The following CLEC18B variants were observed in gnomAD, a reference collection of about 807,000 sequenced individuals.
CLEC18B encodes C-type lectin domain family 18 member B.
A neutral mutation model predicts 60.4 loss-of-function variants in CLEC18B; 5 were observed. The observed-to-expected ratio is 0.08, with a 90% CI of 0.04 to 0.17. The LOEUF (loss-of-function observed/expected upper bound fraction) is 0.17. Among genes scored for constraint, CLEC18B ranks in the 10% least tolerant of loss-of-function variants. CLEC18B has a pLI of 1.00. For synonymous variants in CLEC18B, 16 were observed against 221.2 expected (o/e 0.07, Z 8.23); for missense variants, 26 against 572.8 (o/e 0.05, Z 9.74).
At chr16:74,412,490 T>TCAC (rs1373615414) in intron 6 of CLEC18B, 1 of 738,770 alleles carries the variant, frequency 1.4e-6, no homozygotes, top group African/African-American at 1.7e-5. Context: ...TGGGTTAGGG[T>TCAC]AGAGGGGCAG....
chr16:74,420,103 C>T (rs1210484801), intron 2 of CLEC18B, among the ~76,000 whole-genome samples: 54 of 151,962 alleles, frequency 3.6e-4, no homozygotes, highest in South Asian at 4.2e-4. Flanking sequence ...GCACAGAAGC[C>T]CCTCCCCAGC....
chr16:74,414,036 T>A (rs1272001854), intron 3 of CLEC18B, among the ~76,000 whole-genome samples: 1 of 152,304 alleles, frequency 6.6e-6, no homozygotes, highest in Admixed American at 6.5e-5. Flanking sequence ...CCATGCCCGG[T>A]TAATTTTTTT....
chr16:74,422,139 C>T (rs1310316046), upstream of CLEC18B: 4 of 151,054 alleles, frequency 2.6e-5, no homozygotes, highest in African/African-American at 9.8e-5. Flanking sequence ...GGCGGCGTAG[C>T]AGGTGGGCAG....
intron 3 of CLEC18B, among the ~76,000 whole-genome samples, chr16:74,416,923 T>C (rs887079862): frequency 4.6e-5 from 7 of 151,800 alleles, no homozygotes; most frequent in Non-Finnish European, 8.8e-5. Flanking sequence ...TTTAGTTTAG[T>C]AGCATCTTCT....
chr16:74,422,360 G>A (rs1463694977), upstream of CLEC18B: 2 of 152,266 alleles, frequency 1.3e-5, no homozygotes, highest in East Asian at 1.9e-4. Context: ...TCCTCCTTCT[G>A]GAGTTTGTGT....
At chr16:74,424,052 C>T (rs1184392922), upstream of CLEC18B, among the ~76,000 whole-genome samples, 3 of 152,360 alleles carry the variant, frequency 2.0e-5, no homozygotes, top group Non-Finnish European at 4.4e-5. Context: ...GGGTTTACAT[C>T]CACCACCCAG....
upstream of CLEC18B, chr16:74,422,562 C>T (rs1333014821): frequency 6.7e-6 from 1 of 150,198 alleles, no homozygotes; most frequent in Non-Finnish European, 1.5e-5. Flanking sequence ...ATGTCCCCCA[C>T]AATACCTAGG....
chr16:74,419,021 C>A (rs1374610607), intron 2 of CLEC18B, among the ~76,000 whole-genome samples: 1 of 152,266 alleles, frequency 6.6e-6, no homozygotes, highest in Non-Finnish European at 1.5e-5. Context: ...TGTCAAACTG[C>A]TGACCTTAGG....
intron 10 of CLEC18B, among the ~76,000 whole-genome samples, chr16:74,410,036 C>T (rs1394580085): frequency 2.3e-3 from 343 of 152,200 alleles, no homozygotes; most frequent in African/African-American, 7.9e-3. Flanking sequence ...GGTGGCCTCG[C>T]AGCCGGACCA....
At chr16:74,411,123 CGT>C in intron 8 of CLEC18B, 89 bp from the exon 9 acceptor site, 1 of 1,485,708 alleles carries the variant, frequency 6.7e-7, no homozygotes, top group Non-Finnish European at 9.1e-7. Flanking sequence ...TAAGATGCCA[CGT>C]GTGTGTGCTG....
At chr16:74,414,130 C>T (rs1332014320) in intron 3 of CLEC18B, among the ~76,000 whole-genome samples, 2 of 152,310 alleles carry the variant, frequency 1.3e-5, no homozygotes, top group African/African-American at 4.8e-5. Flanking sequence ...TTGCCTCGGC[C>T]TCCCAAAGTG....
intron 2 of CLEC18B, among the ~76,000 whole-genome samples, chr16:74,420,119 A>ACGACCTTCTCCCTCCCTGGC (rs2013612599): frequency 6.6e-6 from 1 of 151,934 alleles, no homozygotes; most frequent in Non-Finnish European, 1.5e-5. Context: ...CCAGCCCAGC[A>ACGACCTTCTCCCTCCCTGGC]CGACCTTCTC....
chr16:74,422,400 C>T (rs1416597520), upstream of CLEC18B: 4 of 151,986 alleles, frequency 2.6e-5, no homozygotes, highest in African/African-American at 9.7e-5. Flanking sequence ...CACACCCTCT[C>T]GGAGCGGGGT....
chr16:74,416,887 CA>C (rs1160003624), intron 3 of CLEC18B, among the ~76,000 whole-genome samples: 1 of 151,032 alleles, frequency 6.6e-6, no homozygotes, highest in African/African-American at 2.4e-5. Flanking sequence ...CAGGGAGGGA[CA>C]GCGGGAAAAG....
In CLEC18B at chr16:74,421,353, A is replaced by G; in HGVS notation, c.-83T>C. ...TTTCTCAGGCTGGATGGAGCTATTC[A>G]CAATCTCCAGGAGTCAGGCTGGGCT... On this transcript the variant is annotated 5_prime_UTR_variant, in exon 1 of 12. It removes the in-frame stop codon of an upstream open reading frame in the 5' UTR. Coordinates refer to ENST00000682950, the MANE Select transcript of CLEC18B (RefSeq NM_001385193.1). The G allele has an allele frequency of 6.2e-7, 1 of 1,604,926 alleles. No homozygotes were observed. The highest frequency in any genetic ancestry group is 1.1e-5 in the South Asian group (1 of 89,834).
intron 3 of CLEC18B, among the ~76,000 whole-genome samples, chr16:74,416,217 C>T (rs186240497): frequency 7.8e-3 from 1,150 of 146,896 alleles, no homozygotes; most frequent in African/African-American, 0.027. Flanking sequence ...GAGCCGAGAT[C>T]GCACCACTGC....
In CLEC18B at chr16:74,420,998, G is replaced by GCC. The variant is rs2013657553; in HGVS notation, c.124+147_124+148dup. The GCC allele has an allele frequency of 3.6e-6, 4 of 1,126,376 alleles. No individual in the cohort carries two copies. In the South Asian group the frequency reaches 7.7e-5, roughly 22 times the overall value. 69.8% of individuals were successfully genotyped at this position (1,126,376 alleles called of 1,614,324 possible). On this transcript the variant is annotated intron_variant, in intron 1 of 11. Coordinates refer to ENST00000682950, the MANE Select transcript of CLEC18B (RefSeq NM_001385193.1). ...CCCAGTCCAGCATCCACCCCTCACC[G>GCC]CCCCCGGGCTGTCCCAGGGCTTCCT... is the stretch of plus-strand genomic sequence containing the variant.
chr16:74,410,119 T>C (rs2142728235), intron 10 of CLEC18B, among the ~76,000 whole-genome samples: 1 of 152,398 alleles, frequency 6.6e-6, no homozygotes, highest in South Asian at 2.1e-4. Context: ...GGGTTCTTGC[T>C]ACAGGATGGC....
Position 74,412,876 on chromosome 16 carries a change from G to T in CLEC18B, c.681C>A (p.Val227=), listed in dbSNP as rs1277238287. 6.2e-7 allele frequency: 1 copy of T among 1,612,000 alleles called. No individual in the cohort carries two copies. ...AWDHAGGLCE[V]PRNPCRMSCQ... ...AGCTCATGCGACAAGGATTCCTGGG[G>T]ACCTCTGGTCAGAGGAGGAGGGGAC... The change falls in exon 6 of 12, where the codon GTC becomes GTA. Residue 227 remains valine (V), a synonymous_variant. Coordinates refer to ENST00000682950, the MANE Select transcript of CLEC18B (RefSeq NM_001385193.1).
Sources: allele counts gnomAD v4.1 joint callset (sites outside exome capture counted in the v4.1 genomes callset), GRCh38; gene constraint gnomAD v4.1.1; transcripts MANE v1.5; gene names NCBI Gene and HGNC (gene_info 2026-07-23, HGNC 2026-07-21).